The following TRAPPC9 variants were observed in gnomAD, a reference collection of about 807,000 sequenced individuals.
The protein encoded by TRAPPC9 is trafficking protein particle complex subunit 9, also known as IKK2 binding protein.
Under a neutral mutation model 124.0 loss-of-function variants are expected in TRAPPC9, and 83 were observed. That is an observed-to-expected ratio of 0.67 (90% confidence interval 0.56 to 0.80). The LOEUF is 0.80. Ranked by LOEUF, TRAPPC9 falls within the 30% of genes least tolerant of loss-of-function variation. The pLI is 0.00. For missense variants in TRAPPC9, 1,302 were observed against 1,508.3 expected, an observed-to-expected ratio of 0.86 and a Z score of 2.27; for synonymous variants, 638 against 617.5, an observed-to-expected ratio of 1.03 and a Z score of -0.49.
chr8:139,967,856 T>TG (rs1835803010), intron 19 of TRAPPC9, among the ~76,000 whole-genome samples: 1 of 152,142 alleles, frequency 6.6e-6, no homozygotes, highest in South Asian at 2.1e-4. Context: ...AACACAATGG[T>TG]GGCCGGGCGC....
chr8:139,823,125 C>T (rs1469290370), intron 21 of TRAPPC9, among the ~76,000 whole-genome samples: 1 of 152,174 alleles, frequency 6.6e-6, no homozygotes, highest in Non-Finnish European at 1.5e-5. Context: ...CATACAACCA[C>T]ACTGGGGGTT....
At chr8:139,792,864 A>G (rs1045446666) in intron 21 of TRAPPC9, among the ~76,000 whole-genome samples, 2 of 152,208 alleles carry the variant, frequency 1.3e-5, no homozygotes, top group Admixed American at 1.3e-4. Flanking sequence ...GTTGGAAAAA[A>G]CATCATTCAC....
intron 21 of TRAPPC9, among the ~76,000 whole-genome samples, chr8:139,735,151 G>A (rs1362708130): frequency 6.6e-6 from 1 of 152,220 alleles, no homozygotes; most frequent in African/African-American, 2.4e-5. Flanking sequence ...GGTAGGACCA[G>A]AAGGACCTGA....
At chr8:139,751,388 A>G (rs535537670) in intron 21 of TRAPPC9, among the ~76,000 whole-genome samples, 49 of 152,176 alleles carry the variant, frequency 3.2e-4, no homozygotes, top group African/African-American at 1.2e-3. Context: ...ACACCAGATC[A>G]CCCCTGCATA....
intron 8 of TRAPPC9, among the ~76,000 whole-genome samples, chr8:140,368,526 G>C (rs2068188619): frequency 6.6e-6 from 1 of 152,122 alleles, no homozygotes; most frequent in Non-Finnish European, 1.5e-5. Context: ...ATGGGACTTG[G>C]GGGATTTTCA....
chr8:140,399,651 T>A (rs1404021966), intron 6 of TRAPPC9, among the ~76,000 whole-genome samples: 4 of 152,220 alleles, frequency 2.6e-5, no homozygotes, highest in Non-Finnish European at 1.5e-5. Context: ...ATCTAGGAAA[T>A]AAGCAGCTGC....
intron 9 of TRAPPC9, among the ~76,000 whole-genome samples, chr8:140,315,532 G>C (rs889180905): frequency 4.0e-5 from 6 of 151,862 alleles, no homozygotes; most frequent in Non-Finnish European, 7.4e-5. Flanking sequence ...TATTTTATTA[G>C]GAAATATTGT....
intron 19 of TRAPPC9, among the ~76,000 whole-genome samples, chr8:139,967,999 G>C (rs1420001003): frequency 1.3e-5 from 2 of 151,844 alleles, no homozygotes; most frequent in African/African-American, 4.8e-5. Flanking sequence ...AAATTAGCCA[G>C]GCATGGTGGC....
chr8:140,282,461 C>G (rs535811989), intron 14 of TRAPPC9, among the ~76,000 whole-genome samples: 1 of 151,074 alleles, frequency 6.6e-6, no homozygotes, highest in South Asian at 2.1e-4. Flanking sequence ...CGAGATTGCG[C>G]CACTGCACTC....
chr8:139,856,804 T>C (rs975466230), intron 21 of TRAPPC9, among the ~76,000 whole-genome samples: 2 of 150,654 alleles, frequency 1.3e-5, no homozygotes, highest in African/African-American at 4.9e-5. Context: ...GCAAAACCAG[T>C]GAGGTGGAAG....
intron 21 of TRAPPC9, among the ~76,000 whole-genome samples, chr8:139,741,172 CT>C (rs1158812946): frequency 6.6e-6 from 1 of 152,128 alleles, no homozygotes; most frequent in Non-Finnish European, 1.5e-5. Context: ...GATGCTCCCC[CT>C]GGGTGTGAAG....
At position 140,285,731 on chromosome 8, in the gene TRAPPC9, A is replaced by G. The variant is rs576673683; in HGVS notation, c.1982-1710T>C. Among the ~76,000 whole-genome samples the G allele has an allele frequency of 2.3e-4, 31 of 134,614 alleles. No homozygotes were observed. The South Asian group carries it at 7.1e-3, about 31-fold the overall frequency. 88.3% of individuals were successfully genotyped at this position (134,614 alleles called of 152,430 possible). ...TGGACTCCCCCCACAGCCCACCCCCATTCATTTGAATAGTTCCTAGTTAGC... is the reference window on the plus strand; with the variant it reads ...TGGACTCCCCCCACAGCCCACCCCCGTTCATTTGAATAGTTCCTAGTTAGC... On this transcript the variant is annotated intron_variant, in intron 13 of 22. Transcript: ENST00000438773.
intron 8 of TRAPPC9, among the ~76,000 whole-genome samples, chr8:140,369,863 A>G (rs1238366874): frequency 6.6e-6 from 1 of 152,116 alleles, no homozygotes; most frequent in Non-Finnish European, 1.5e-5. Context: ...GAGGCAGGAG[A>G]ATCACTTGAA....
In TRAPPC9 at chr8:139,736,424, T is replaced by C. The variant is rs535911421; in HGVS notation, c.3056-4222A>G. On this transcript the variant is annotated intron_variant, in intron 21 of 22. Coordinates refer to ENST00000438773, the MANE Select transcript of TRAPPC9 (RefSeq NM_001160372.4). ...CTGTGCTCAGCAAGCAGCCGTTTCC[T>C]TCCTTGCTCCACAGCTGGGGCAGCC... 2.6e-3 allele frequency among the ~76,000 whole-genome samples: 392 copies of C among 152,316 alleles called. 3 individuals carry two copies. The highest frequency in any genetic ancestry group is 8.9e-3 in the African/African-American group (372 of 41,568).
At chr8:140,200,070 A>G (rs1352350865) in intron 17 of TRAPPC9, among the ~76,000 whole-genome samples, 2 of 152,210 alleles carry the variant, frequency 1.3e-5, no homozygotes, top group East Asian at 3.8e-4. Flanking sequence ...CTGGAGTCAA[A>G]TAAGTCAACG....
At chr8:140,096,133 T>C (rs1479571217) in intron 17 of TRAPPC9, 1 of 152,182 alleles carries the variant, frequency 6.6e-6, no homozygotes, top group Non-Finnish European at 1.5e-5. Context: ...CATAAGTGTT[T>C]GAAATAAGGA....
intron 14 of TRAPPC9, among the ~76,000 whole-genome samples, chr8:140,281,268 G>A (rs185324201): frequency 2.1e-3 from 325 of 152,314 alleles, no homozygotes; most frequent in African/African-American, 7.6e-3. Flanking sequence ...CGCACGAGGC[G>A]TCCAGCTTCT....
Position 139,894,563 on chromosome 8 carries a change from G to A in TRAPPC9, c.2965-8594C>T, listed in dbSNP as rs563534879. 2.8e-4 allele frequency among the ~76,000 whole-genome samples: 42 copies of A among 149,190 alleles called. No homozygotes were observed. In the South Asian group the frequency reaches 7.1e-3, roughly 25 times the overall value. ...ACTGGAGTGCCTGCAGCGGAGGGAG[G>A]GGGGGGCTGCTGCTTCTCTTTCCCT... On this transcript the variant is annotated intron_variant, in intron 20 of 22. Coordinates refer to ENST00000438773, the MANE Select transcript of TRAPPC9 (RefSeq NM_001160372.4).
At chr8:139,979,418 C>A (rs67518310) in intron 19 of TRAPPC9, among the ~76,000 whole-genome samples, 16,754 of 152,148 alleles carry the variant, frequency 0.11, 1,434 homozygotes, top group African/African-American at 0.24. Context: ...GTGGGAAGGG[C>A]GGACACGAAC....
Sources: gnomAD v4.1 joint callset for allele counts (sites outside exome capture counted in the v4.1 genomes callset) on GRCh38, gnomAD v4.1.1 for gene constraint, MANE v1.5 for transcripts, NCBI Gene and HGNC (gene_info 2026-07-23, HGNC 2026-07-21) for gene names.